HES7: variants seen among roughly 807,000 people sequenced by gnomAD.
HES7 encodes transcription factor HES-7.
HES7 carries 8 observed loss-of-function variants against 18.0 expected under a neutral mutation model. The ratio of observed to expected loss-of-function variants is 0.45; its 90% CI spans 0.26 to 0.80. The LOEUF is 0.80. HES7 is among the 30% of genes least tolerant of loss of function. The pLI is 0.18. For missense variants in HES7, 356 were observed against 340.9 expected, an observed-to-expected ratio of 1.04 and a Z score of -0.35; for synonymous variants, 170 against 158.6, an observed-to-expected ratio of 1.07 and a Z score of -0.54.
rs1047540918 is a variant in HES7, at chr17:8,121,478, C to T, written c.*93G>A. 1.7e-6 allele frequency: 2 copies of T among 1,159,712 alleles called. No individual in the cohort carries two copies. Among genetic ancestry groups the T allele is most frequent in the Non-Finnish European group, 2.2e-6 (2 of 913,196 alleles). The allele number at this position is 1,159,712 out of a possible 1,614,324, so 71.8% of individuals were successfully genotyped here. ...CCGCGCGCCCCACTGCCCTCCCCAA[C>T]ACCTGCTCGCCCGGACGCCCGGGTC... is the stretch of plus-strand genomic sequence containing the variant. On this transcript the variant is annotated 3_prime_UTR_variant, in exon 4 of 4. Transcript: ENST00000541682.
At position 8,121,467 on chromosome 17, in the gene HES7, G is replaced by T. The variant is rs1598230194; in HGVS notation, c.*104C>A. The stretch of plus-strand genomic sequence containing the variant: ...GCGCGCTGAGCCCGCGCGCCCCACT[G>T]CCCTCCCCAACACCTGCTCGCCCGG... On this transcript the variant is annotated 3_prime_UTR_variant, in exon 4 of 4. Coordinates refer to ENST00000541682, the MANE Select transcript of HES7 (RefSeq NM_001165967.2). 1 of 1,024,018 alleles carries T rather than the reference G, an allele frequency of 9.8e-7. No homozygotes were observed. Among genetic ancestry groups the T allele is most frequent in the African/African-American group, 1.7e-5 (1 of 59,980 alleles). The allele number at this position is 1,024,018 out of a possible 1,614,324, so 63.4% of individuals were successfully genotyped here.
chr17:8,121,476 A>G lies in HES7; in HGVS notation c.*95T>C. Reference sequence around the variant, plus strand: ...GCCCGCGCGCCCCACTGCCCTCCCCAACACCTGCTCGCCCGGACGCCCGGG... The same window carrying G: ...GCCCGCGCGCCCCACTGCCCTCCCCGACACCTGCTCGCCCGGACGCCCGGG... On this transcript the variant is annotated 3_prime_UTR_variant, in exon 4 of 4. Transcript: ENST00000541682. The G allele has an allele frequency of 8.7e-7, 1 of 1,146,650 alleles. No individual in the cohort carries two copies. Among genetic ancestry groups the G allele is most frequent in the African/African-American group, 1.6e-5 (1 of 62,218 alleles). The allele number at this position is 1,146,650 out of a possible 1,614,324, so 71.0% of individuals were successfully genotyped here. A position where few individuals can be genotyped will look rare whatever the true frequency, so the allele number is the denominator to read the frequency against.
upstream of HES7, among the ~76,000 whole-genome samples, chr17:8,125,389 T>C (rs1211950732): frequency 6.6e-6 from 1 of 152,162 alleles, no homozygotes; most frequent in African/African-American, 2.4e-5. Flanking sequence ...CCATTTGGGA[T>C]CAGGGCCCCC....
Position 8,121,805 on chromosome 17 carries a change from G to A in HES7, c.459C>T (p.Asp153=), listed in dbSNP as rs746924914. ...CAGGGCCAAGGGCCGGTGCGGCGGG[G>A]TCCAGGGATGGGCGCGGCGCTGGAG... The part of the protein sequence containing the change: ...PRPPAPRPSL[D]PAAPALGPAL... Residue 153 remains aspartate (D), a synonymous_variant, in exon 4 of 4, where the codon GAC becomes GAT. Transcript: ENST00000541682. The A allele has an allele frequency of 1.3e-6, 2 of 1,564,410 alleles. No homozygotes were observed. Among genetic ancestry groups the A allele is most frequent in the Non-Finnish European group, 1.7e-6 (2 of 1,166,702 alleles).
rs759681801 is a variant in HES7 at position 8,121,685 on chromosome 17, G to T, written c.579C>A (p.Gly193=). The change falls in exon 4 of 4, where the codon GGC becomes GGA. Residue 193 remains glycine (G), a synonymous_variant. Transcript: ENST00000541682. ...SLCSPRAGDS[G]APAPLTGLLP... ...GCAGTCCGGTGAGGGGCGCCGGCGC[G>T]CCAGAATCCCCGGCGCGCGGGGAGC... is the stretch of plus-strand genomic sequence containing the variant. 101 of 1,326,652 alleles carry T rather than the reference G, an allele frequency of 7.6e-5. No individual in the cohort carries two copies. The South Asian group carries it at 1.7e-3, about 23-fold the overall frequency. 82.2% of individuals were successfully genotyped at this position (1,326,652 alleles called of 1,614,324 possible). A position where few individuals can be genotyped will look rare whatever the true frequency, so the allele number is the denominator to read the frequency against.
In HES7 at chr17:8,122,450, G is replaced by A. The variant is rs1306525365; in HGVS notation, c.139-20C>T. 2 of 1,537,004 alleles carry A rather than the reference G, an allele frequency of 1.3e-6. No homozygotes were observed. The highest frequency in any genetic ancestry group is 2.4e-5 in the South Asian group (2 of 84,258). On this transcript the variant is annotated intron_variant, in intron 2 of 3. Transcript: ENST00000541682. The surrounding 1 kb of genome is among the most constrained non-coding windows in gnomAD (Gnocchi z 6.9). ...GAGGTTCTACAGACGGGAGGGGAGG[G>A]CGCAGAGACAGAAAGGGGTGGGGAG...
At position 8,121,024 on chromosome 17, in the gene HES7, A is replaced by C. The variant is rs1484024624; in HGVS notation, c.*547T>G. The C allele has an allele frequency of 6.6e-6, 1 of 152,334 alleles. No individual in the cohort carries two copies. The highest frequency in any genetic ancestry group is 1.9e-4 in the East Asian group (1 of 5,166). 9.4% of individuals were successfully genotyped at this position (152,334 alleles called of 1,614,324 possible). A position where few individuals can be genotyped will look rare whatever the true frequency, so the allele number is the denominator to read the frequency against. On this transcript the variant is annotated 3_prime_UTR_variant, in exon 4 of 4. Coordinates refer to ENST00000541682, the MANE Select transcript of HES7 (RefSeq NM_001165967.2). The stretch of plus-strand genomic sequence containing the variant: ...TCCCACCAGAGTCGATTTTATTTCA[A>C]TTTTTCCTTTTTATCCGTTTTTTTC...
chr17:8,126,476 C>G (rs1568016964), upstream of HES7, among the ~76,000 whole-genome samples: 1 of 152,202 alleles, frequency 6.6e-6, no homozygotes, highest in Non-Finnish European at 1.5e-5. Context: ...ACTCTGCGCT[C>G]CCACGCTCCT....
In HES7 at chr17:8,121,437, C is replaced by A. The variant is rs552824640; in HGVS notation, c.*134G>T. 1.5e-5 allele frequency: 9 copies of A among 582,376 alleles called. No homozygotes were observed. Among genetic ancestry groups the A allele is most frequent in the Non-Finnish European group, 2.3e-5 (9 of 388,164 alleles). 36.1% of individuals were successfully genotyped at this position (582,376 alleles called of 1,614,324 possible). ...AGATACTCTAATATAGACCACATCT[C>A]ACCCGCGCGCTGAGCCCGCGCGCCC... On this transcript the variant is annotated 3_prime_UTR_variant, in exon 4 of 4. Coordinates refer to ENST00000541682, the MANE Select transcript of HES7 (RefSeq NM_001165967.2).
upstream of HES7, among the ~76,000 whole-genome samples, chr17:8,124,489 G>T (rs778158504): frequency 6.6e-6 from 1 of 152,198 alleles, no homozygotes; most frequent in Non-Finnish European, 1.5e-5. Flanking sequence ...TCAGCCCCCA[G>T]GCTGAATTTT....
Position 8,121,689 on chromosome 17 carries a change from G to C in HES7, c.575C>G (p.Ser192Cys). 7.5e-7 allele frequency: 1 copy of C among 1,327,968 alleles called. No individual in the cohort carries two copies. Among genetic ancestry groups the C allele is most frequent in the Non-Finnish European group, 9.6e-7 (1 of 1,045,562 alleles). The allele number at this position is 1,327,968 out of a possible 1,614,324, so 82.3% of individuals were successfully genotyped here. A position where few individuals can be genotyped will look rare whatever the true frequency, so the allele number is the denominator to read the frequency against. Residue 192 changes from serine to cysteine, a missense_variant, in exon 4 of 4, where the codon TCT becomes TGT. Physicochemically the swap from Ser to Cys is moderately radical, Grantham distance 112. Transcript: ENST00000541682. ...PSLCSPRAGD[S>C]GAPAPLTGLL... ...TCCGGTGAGGGGCGCCGGCGCGCCA[G>C]AATCCCCGGCGCGCGGGGAGCAGAG...
In HES7 at chr17:8,120,663, C is replaced by G. The variant is rs931319895; in HGVS notation, c.*908G>C. Reference sequence around the variant, plus strand: ...GGGAGCGCCTGAGCCGGAAACACCCCCCAAGCGGGCAGCCGGAGCTCTGCA... The same window carrying G: ...GGGAGCGCCTGAGCCGGAAACACCCGCCAAGCGGGCAGCCGGAGCTCTGCA... On this transcript the variant is annotated 3_prime_UTR_variant, in exon 4 of 4. Transcript: ENST00000541682. 2.0e-5 allele frequency: 3 copies of G among 152,434 alleles called. No homozygotes were observed. Among genetic ancestry groups the G allele is most frequent in the Non-Finnish European group, 4.4e-5 (3 of 68,046 alleles). The allele number at this position is 152,434 out of a possible 1,614,324, so 9.4% of individuals were successfully genotyped here.
At chr17:8,125,761 T>C (rs751290924), upstream of HES7, among the ~76,000 whole-genome samples, 9 of 152,194 alleles carry the variant, frequency 5.9e-5, no homozygotes, top group Non-Finnish European at 1.3e-4. Flanking sequence ...GGTGGTTCAG[T>C]GGTAGAATTC....
chr17:8,125,747 C>T (rs140466196), upstream of HES7, among the ~76,000 whole-genome samples: 36 of 152,320 alleles, frequency 2.4e-4, no homozygotes, highest in Non-Finnish European at 3.5e-4. Context: ...TTAAGCCGCG[C>T]ATTGGTGGTT....
upstream of HES7, among the ~76,000 whole-genome samples, chr17:8,125,651 T>A (rs746300343): frequency 2.6e-5 from 4 of 152,074 alleles, no homozygotes; most frequent in East Asian, 7.7e-4. Context: ...CGGCAACCAT[T>A]CGGGACCACT....
upstream of HES7, among the ~76,000 whole-genome samples, chr17:8,126,177 G>T (rs2151855580): frequency 6.6e-6 from 1 of 152,226 alleles, no homozygotes; most frequent in Non-Finnish European, 1.5e-5. Flanking sequence ...GTTATTTTCC[G>T]TTCTCTCTGA....
chr17:8,122,308 CT>C lies in HES7; in HGVS notation c.226+34del. ...CGGCCGGAGCCTCCTGGCGTCCCCC[CT>C]CCCTCCCTCCGCTGCCCCACCCCCG... is the stretch of plus-strand genomic sequence containing the variant. On this transcript the variant is annotated intron_variant, in intron 3 of 3. Coordinates refer to ENST00000541682, the MANE Select transcript of HES7 (RefSeq NM_001165967.2). The surrounding 1 kb of genome is among the most constrained non-coding windows in gnomAD (Gnocchi z 6.9). 6.9e-7 allele frequency: 1 copy of C among 1,449,310 alleles called. No homozygotes were observed. Among genetic ancestry groups the C allele is most frequent in the Non-Finnish European group, 9.5e-7 (1 of 1,055,876 alleles). The allele number at this position is 1,449,310 out of a possible 1,614,324, so 89.8% of individuals were successfully genotyped here.
rs751740177 is a variant in HES7, at chr17:8,121,457, G to A, written c.*114C>T. ...CATCTCACCCGCGCGCTGAGCCCGC[G>A]CGCCCCACTGCCCTCCCCAACACCT... is the stretch of plus-strand genomic sequence containing the variant. On this transcript the variant is annotated 3_prime_UTR_variant, in exon 4 of 4. Transcript: ENST00000541682. 4 of 829,294 alleles carry A rather than the reference G, an allele frequency of 4.8e-6. No individual in the cohort carries two copies. Among genetic ancestry groups the A allele is most frequent in the Non-Finnish European group, 4.9e-6 (3 of 614,408 alleles). The allele number at this position is 829,294 out of a possible 1,614,324, so 51.4% of individuals were successfully genotyped here.
chr17:8,125,397 C>A (rs1981554861), upstream of HES7, among the ~76,000 whole-genome samples: 1 of 152,214 alleles, frequency 6.6e-6, no homozygotes, highest in Non-Finnish European at 1.5e-5. Flanking sequence ...GATCAGGGCC[C>A]CCAGCACATC....
Sources: gnomAD v4.1 joint callset for allele counts (sites outside exome capture counted in the v4.1 genomes callset) on GRCh38, gnomAD v4.1.1 for gene constraint, Gnocchi (gnomAD v3.1) non-coding constraint, MANE v1.5 for transcripts, NCBI Gene and HGNC (gene_info 2026-07-23, HGNC 2026-07-21) for gene names.